The following TBL1X variants were observed in gnomAD, a reference collection of about 807,000 sequenced individuals.
The protein encoded by TBL1X is F-box-like/WD repeat-containing protein TBL1X.
A neutral mutation model predicts 50.7 loss-of-function variants in TBL1X; 10 were observed. The observed-to-expected ratio is 0.20, with a 90% CI of 0.12 to 0.33. The LOEUF (loss-of-function observed/expected upper bound fraction) is 0.33, where lower values mean the gene tolerates loss of function less well. Ranked by LOEUF, TBL1X falls within the 10% of genes least tolerant of loss-of-function variation. The pLI, the probability that TBL1X is intolerant of heterozygous loss-of-function variation, is 1.00. For missense variants in TBL1X, 340 were observed against 504.4 expected (o/e 0.67, Z 3.12); for synonymous variants, 190 against 214.7 (o/e 0.88, Z 1.01).
At chrX:9,585,340 T>TCCCCCCCCCC (rs397840236) in intron 2 of TBL1X, among the ~76,000 whole-genome samples, 4 of 58,126 alleles carry the variant, frequency 6.9e-5, no homozygotes, top group Non-Finnish European at 6.6e-5. Context: ...CCCCCTCCCC[T>TCCCCCCCCCC]CCCCCCCCCG....
chrX:9,475,465 C>T (rs1334942396), intron 1 of TBL1X, among the ~76,000 whole-genome samples: 3 of 110,233 alleles, frequency 2.7e-5, no homozygotes, highest in Non-Finnish European at 3.8e-5. Flanking sequence ...AGGCTGGTTT[C>T]GAACTCCTGA....
chrX:9,653,335 G>T (rs1281692561), intron 3 of TBL1X, among the ~76,000 whole-genome samples: 4 of 112,460 alleles, frequency 3.6e-5, no homozygotes, highest in Non-Finnish European at 7.5e-5. Flanking sequence ...TTGCTCTTGT[G>T]TCTAACCGGG....
chrX:9,714,098 G>A (rs2083264602), intron 16 of TBL1X, among the ~76,000 whole-genome samples: 1 of 111,770 alleles, frequency 8.9e-6, no homozygotes, highest in Middle Eastern at 4.2e-3. Flanking sequence ...TACAGGGTGA[G>A]CCACCTCGCC....
intron 2 of TBL1X, among the ~76,000 whole-genome samples, chrX:9,600,994 G>C (rs1483861824): frequency 8.9e-6 from 1 of 112,026 alleles, no homozygotes; most frequent in Non-Finnish European, 1.9e-5. Context: ...GATTACAGGT[G>C]CTCTGGGGAC....
At chrX:9,463,761 GCA>G (rs2081750747), upstream of TBL1X, among the ~76,000 whole-genome samples, 1 of 112,191 alleles carries the variant, frequency 8.9e-6, no homozygotes, top group Non-Finnish European at 1.9e-5. Context: ...GGGCGTGGTG[GCA>G]TGCGCCTGTA....
chrX:9,633,867 G>A (rs753695270), intron 2 of TBL1X, among the ~76,000 whole-genome samples: 7 of 111,691 alleles, frequency 6.3e-5, no homozygotes, highest in South Asian at 3.7e-4. Context: ...TGAGCATGGC[G>A]TATCCTCATC....
rs141967427 is a variant in TBL1X, at chrX:9,470,840, G to C, written c.-201+5393G>C. On this transcript the variant is annotated intron_variant, in intron 1 of 17. Coordinates refer to ENST00000645353, the MANE Select transcript of TBL1X (RefSeq NM_005647.4). ...GTAGAGATGGCATTTCACCATGTTG[G>C]TCAGGCTGGTCTCGAACTCCTGACT... Among the ~76,000 whole-genome samples the C allele has an allele frequency of 2.9e-3, 323 of 111,362 alleles. 1 individual carries two copies. Among genetic ancestry groups the C allele is most frequent in the African/African-American group, 0.01 (310 of 30,589 alleles).
chrX:9,679,595 AG>A (rs2083014044), intron 5 of TBL1X, among the ~76,000 whole-genome samples: 1 of 112,122 alleles, frequency 8.9e-6, no homozygotes, highest in African/African-American at 3.2e-5. Flanking sequence ...CACCTGCCGC[AG>A]GGGCAGTCCT....
At chrX:9,618,860 A>G (rs2082652488) in intron 2 of TBL1X, among the ~76,000 whole-genome samples, 1 of 111,845 alleles carries the variant, frequency 8.9e-6, no homozygotes, top group East Asian at 2.8e-4. Flanking sequence ...CCAGAGTTCC[A>G]CTTCATATTC....
chrX:9,697,514 G>A, intron 12 of TBL1X, 85 bp downstream of exon 12: 3 of 1,159,651 alleles, frequency 2.6e-6, no homozygotes, highest in Non-Finnish European at 3.5e-6. Flanking sequence ...GCTTACGCCT[G>A]TAATCCCAGC....
chrX:9,619,295 C>T (rs779393545), intron 2 of TBL1X, among the ~76,000 whole-genome samples: 2 of 112,248 alleles, frequency 1.8e-5, no homozygotes, highest in East Asian at 2.8e-4. Context: ...TTGTTCTAAG[C>T]GAAAGCATGT....
In TBL1X at chrX:9,707,059, C is replaced by T. The variant is rs759153205; in HGVS notation, c.1236+1945C>T. ...ACGCAGAGTGCATCAATGCTGGGAC[C>T]ATGGCATCTTGCCTTTCTCTCACCA... On this transcript the variant is annotated intron_variant, in intron 13 of 17. Transcript: ENST00000645353. Among the ~76,000 whole-genome samples the T allele has an allele frequency of 2.7e-5, 3 of 111,855 alleles. No individual in the cohort carries two copies. In the East Asian group the frequency reaches 8.5e-4, roughly 32 times the overall value.
rs2083269538 is a variant in TBL1X at position 9,714,982 on chromosome X, T to C, written c.1686T>C (p.Gly562=). The C allele has an allele frequency of 8.3e-7, 1 of 1,210,624 alleles. No homozygotes were observed. The highest frequency in any genetic ancestry group is 3.0e-5 in the East Asian group (1 of 33,789). Residue 562 remains glycine (G), a synonymous_variant, in exon 17 of 18, where the codon GGT becomes GGC. Coordinates refer to ENST00000645353, the MANE Select transcript of TBL1X (RefSeq NM_005647.4). ...VCWNARGDKV[G]ASASDGSVCV... ...GGAACGCCCGAGGAGACAAAGTGGG[T>C]GCCAGCGCGTCCGACGGCTCTGTAA...
chrX:9,641,550 A>G (rs899101911), intron 3 of TBL1X, among the ~76,000 whole-genome samples: 1 of 112,673 alleles, frequency 8.9e-6, no homozygotes, highest in Non-Finnish European at 1.9e-5. Flanking sequence ...CTAAAATGAT[A>G]GACTTAAATT....
At chrX:9,598,983 G>A (rs12688360) in intron 2 of TBL1X, among the ~76,000 whole-genome samples, 33,832 of 104,632 alleles carry the variant, frequency 0.32, 4,333 homozygotes, top group East Asian at 0.67. Context: ...TCCCTCTGTC[G>A]CCCAGGCTGG....
chrX:9,543,958 A>G (rs746244762), intron 2 of TBL1X, among the ~76,000 whole-genome samples: 2 of 110,790 alleles, frequency 1.8e-5, no homozygotes, highest in East Asian at 5.7e-4. Flanking sequence ...TTAAAGGGAT[A>G]ATCTGCTATT....
chrX:9,705,234 G>C (rs2083199609), intron 13 of TBL1X, 120 bp downstream of exon 13: 3 of 1,102,244 alleles, frequency 2.7e-6, no homozygotes, highest in Admixed American at 5.2e-5. Context: ...GTGCCCCTTG[G>C]CTATTTGAGC....
intron 2 of TBL1X, among the ~76,000 whole-genome samples, chrX:9,575,648 C>A (rs768355939): frequency 8.9e-6 from 1 of 111,793 alleles, no homozygotes; most frequent in African/African-American, 3.3e-5. Flanking sequence ...TTTAAGCACA[C>A]GTTTTTGTGT....
intron 2 of TBL1X, among the ~76,000 whole-genome samples, chrX:9,539,591 GGCTACTCATCAGTGTTCT>G (rs1449508077): frequency 2.7e-5 from 3 of 111,605 alleles, no homozygotes; most frequent in Non-Finnish European, 5.6e-5. Flanking sequence ...GATGGCTTTG[GGCTACTCATCAGTGTTCT>G]GTAAAATGCT....
Sources: allele counts gnomAD v4.1 joint callset (sites outside exome capture counted in the v4.1 genomes callset), GRCh38; gene constraint gnomAD v4.1.1; transcripts MANE v1.5; gene names NCBI Gene and HGNC (gene_info 2026-07-23, HGNC 2026-07-21).